MCAM: variants seen among roughly 807,000 people sequenced by gnomAD.
The protein encoded by MCAM is cell surface glycoprotein MUC18.
Under a neutral mutation model 79.1 loss-of-function variants are expected in MCAM, and 55 were observed. The ratio of observed to expected loss-of-function variants is 0.70; its 90% CI spans 0.56 to 0.87. The LOEUF (loss-of-function observed/expected upper bound fraction) is 0.87. MCAM is among the 40% of genes least tolerant of loss of function. MCAM has a pLI of 0.00. For synonymous variants in MCAM, 330 were observed against 339.8 expected (o/e 0.97, Z 0.32); for missense variants, 745 against 839.8 (o/e 0.89, Z 1.40).
chr11:119,310,990 TG>T (rs1349608427), intron 13 of MCAM, 87 bp from the exon 14 acceptor site: 9 of 1,613,440 alleles, frequency 5.6e-6, no homozygotes, highest in Non-Finnish European at 6.8e-6. Flanking sequence ...GCCGACAAGA[TG>T]GGGCTGCTAC....
chr11:119,309,601 G>A lies in MCAM; in HGVS notation c.*285C>T, dbSNP rs570226404. 14 of 511,336 alleles carry A rather than the reference G, an allele frequency of 2.7e-5. No homozygotes were observed. Among genetic ancestry groups the A allele is most frequent in the Admixed American group, 1.0e-4 (3 of 28,874 alleles). 31.7% of individuals were successfully genotyped at this position (511,336 alleles called of 1,614,324 possible). A position where few individuals can be genotyped will look rare whatever the true frequency, so the allele number is the denominator to read the frequency against. Reference sequence around the variant, plus strand: ...CATAATGTGTGTAAAGAAAAAACACGTTCTGCAAGAAACTCTCCTACCCGC... The same window carrying A: ...CATAATGTGTGTAAAGAAAAAACACATTCTGCAAGAAACTCTCCTACCCGC... On this transcript the variant is annotated 3_prime_UTR_variant, in exon 16 of 16. Coordinates refer to ENST00000264036, the MANE Select transcript of MCAM (RefSeq NM_006500.3).
chr11:119,316,932 C>T lies in MCAM; in HGVS notation c.67+103G>A. The T allele has an allele frequency of 2.0e-6, 2 of 1,022,720 alleles. No individual in the cohort carries two copies. The highest frequency in any genetic ancestry group is 1.6e-5 in the South Asian group (1 of 64,286). The allele number at this position is 1,022,720 out of a possible 1,614,324, so 63.4% of individuals were successfully genotyped here. Reference sequence around the variant, plus strand: ...GGACCCAGGGAGGAGGCTCGTCCTCCCAGACGCAACGCCCCGACCCCGCCG... The same window carrying T: ...GGACCCAGGGAGGAGGCTCGTCCTCTCAGACGCAACGCCCCGACCCCGCCG... On this transcript the variant is annotated intron_variant, in intron 1 of 15. Coordinates refer to ENST00000264036, the MANE Select transcript of MCAM (RefSeq NM_006500.3). This position sits in a 1 kb window ranked among gnomAD's most constrained non-coding sequence, Gnocchi z 4.8.
At chr11:119,313,115 T>G in intron 5 of MCAM, 166 bp from the exon 6 acceptor site, 2 of 1,535,662 alleles carry the variant, frequency 1.3e-6, no homozygotes, top group African/African-American at 1.4e-5. Context: ...GCACTTTTAC[T>G]GCTCAGTGTC....
chr11:119,313,718 T>C (rs529229736), intron 5 of MCAM: 41 of 200,292 alleles, frequency 2.0e-4, no homozygotes, highest in African/African-American at 8.4e-4. Context: ...TTAGGCCACG[T>C]TGATTCTTTA....
At chr11:119,313,376 G>A in intron 5 of MCAM, 1 of 1,212,784 alleles carries the variant, frequency 8.2e-7, no homozygotes, top group Non-Finnish European at 1.1e-6. Context: ...TTAGACCAGG[G>A]TTTCTCAGCA....
rs1470849377 is a variant in MCAM at position 119,311,461 on chromosome 11, G to C, written c.1408-40C>G. On this transcript the variant is annotated intron_variant, in intron 11 of 15. Transcript: ENST00000264036. The surrounding 1 kb of genome is among the most constrained non-coding windows in gnomAD (Gnocchi z 4.4). ...AGGAGGCAGCTCAGGGGATGGGGAG[G>C]ATCTCTGGTCCTGGCCACAAAGCGC... is the stretch of plus-strand genomic sequence containing the variant. The C allele has an allele frequency of 6.2e-7, 1 of 1,613,572 alleles. No homozygotes were observed. Among genetic ancestry groups the C allele is most frequent in the South Asian group, 1.1e-5 (1 of 91,076 alleles).
chr11:119,310,225 G>A, intron 15 of MCAM, 124 bp downstream of exon 15: 2 of 746,488 alleles, frequency 2.7e-6, no homozygotes, highest in Non-Finnish European at 2.3e-6. Flanking sequence ...GTGTTAAGAA[G>A]GCAAGATGGG....
At position 119,311,320 on chromosome 11, in the gene MCAM, G is replaced by T; in HGVS notation, c.1509C>A (p.Asn503Lys). 6.2e-7 allele frequency: 1 copy of T among 1,614,204 alleles called. No homozygotes were observed. Among genetic ancestry groups the T allele is most frequent in the Non-Finnish European group, 8.5e-7 (1 of 1,180,028 alleles). ...LETGVECTAS[N>K]DLGKNTSILF... ...GGATGCTGGTGTTTTTGCCCAGGTC[G>T]TTGGAGGCCGTGCATTCAACACCTG... The change falls in exon 12 of 16, where the codon AAC (asparagine) becomes AAA (lysine). Residue 503 changes from asparagine (N) to lysine (K), a missense_variant. Physicochemically the swap from Asn to Lys is moderately conservative, Grantham distance 94. Transcript: ENST00000264036. The surrounding 1 kb of genome is among the most constrained non-coding windows in gnomAD (Gnocchi z 4.4).
At chr11:119,313,563 G>A (rs996873428) in intron 5 of MCAM, 1 of 312,586 alleles carries the variant, frequency 3.2e-6, no homozygotes, top group South Asian at 2.8e-5. Flanking sequence ...CACCACGCCC[G>A]GCTACTTTTG....
chr11:119,309,716 G>T lies in MCAM; in HGVS notation c.*170C>A. 1.5e-6 allele frequency: 1 copy of T among 661,586 alleles called. No homozygotes were observed. Among genetic ancestry groups the T allele is most frequent in the Non-Finnish European group, 2.7e-6 (1 of 376,410 alleles). The allele number at this position is 661,586 out of a possible 1,614,324, so 41.0% of individuals were successfully genotyped here. A position where few individuals can be genotyped will look rare whatever the true frequency, so the allele number is the denominator to read the frequency against. On this transcript the variant is annotated 3_prime_UTR_variant, in exon 16 of 16. Coordinates refer to ENST00000264036, the MANE Select transcript of MCAM (RefSeq NM_006500.3). ...TGGTCCCTGAAAAGCGGGCCTTGCA[G>T]GGCCAAGTGAGGTCCTCAGGTCCTA... is the stretch of plus-strand genomic sequence containing the variant.
In MCAM at chr11:119,311,769, T is replaced by C; in HGVS notation, c.1285+39A>G. 6.2e-7 allele frequency: 1 copy of C among 1,611,598 alleles called. No individual in the cohort carries two copies. The highest frequency in any genetic ancestry group is 8.5e-7 in the Non-Finnish European group (1 of 1,178,364). ...TCAAAGAGCTTAAAAACCACCCCAC[T>C]TGGGGTGACCTGGTCTCTACCCAGA... On this transcript the variant is annotated intron_variant, in intron 10 of 15. Transcript: ENST00000264036. The surrounding 1 kb of genome is among the most constrained non-coding windows in gnomAD (Gnocchi z 4.4).
At position 119,311,913 on chromosome 11, in the gene MCAM, A is replaced by G. The variant is rs115730438; in HGVS notation, c.1180T>C (p.Leu394=). The change falls in exon 10 of 16, where the codon TTG becomes CTG. Residue 394 remains leucine, a synonymous_variant. Coordinates refer to ENST00000264036, the MANE Select transcript of MCAM (RefSeq NM_006500.3). This position sits in a 1 kb window ranked among gnomAD's most constrained non-coding sequence, Gnocchi z 4.4. The part of the protein sequence containing the change: ...QVLERGPVLQ[L]HDLKREAGGG... ...CCTGCCTCCCGTTTCAGGTCATGCA[A>G]CTGAAGCACAGGCCCCCTTTCCAGC... 29 of 1,613,834 alleles carry G rather than the reference A, an allele frequency of 1.8e-5. No individual in the cohort carries two copies. The highest frequency in any genetic ancestry group is 2.3e-5 in the Non-Finnish European group (27 of 1,180,002).
chr11:119,309,733 C>A lies in MCAM; in HGVS notation c.*153G>T. ...GCCTTGCAGGGCCAAGTGAGGTCCT[C>A]AGGTCCTAACCCAGTGGCCCTCTGA... On this transcript the variant is annotated 3_prime_UTR_variant, in exon 16 of 16. Transcript: ENST00000264036. The A allele has an allele frequency of 1.3e-6, 1 of 747,130 alleles. No homozygotes were observed. Among genetic ancestry groups the A allele is most frequent in the South Asian group, 1.7e-5 (1 of 57,240 alleles). The allele number at this position is 747,130 out of a possible 1,614,324, so 46.3% of individuals were successfully genotyped here. A position where few individuals can be genotyped will look rare whatever the true frequency, so the allele number is the denominator to read the frequency against.
Position 119,309,628 on chromosome 11 carries a change from C to T in MCAM, c.*258G>A, listed in dbSNP as rs1180593919. On this transcript the variant is annotated 3_prime_UTR_variant, in exon 16 of 16. Coordinates refer to ENST00000264036, the MANE Select transcript of MCAM (RefSeq NM_006500.3). Reference sequence around the variant, plus strand: ...TCTGCAAGAAACTCTCCTACCCGCTCGGGAGACTGGGGCTCCTTGCTTGGG... The same window carrying T: ...TCTGCAAGAAACTCTCCTACCCGCTTGGGAGACTGGGGCTCCTTGCTTGGG... 5 of 546,668 alleles carry T rather than the reference C, an allele frequency of 9.1e-6. No homozygotes were observed. The highest frequency in any genetic ancestry group is 3.0e-5 in the East Asian group (1 of 33,896). The allele number at this position is 546,668 out of a possible 1,614,324, so 33.9% of individuals were successfully genotyped here.
At position 119,315,003 on chromosome 11, in the gene MCAM, C is replaced by A. The variant is rs1362785176; in HGVS notation, c.230G>T (p.Arg77Leu). 3.1e-6 allele frequency: 5 copies of A among 1,609,256 alleles called. No homozygotes were observed. The highest frequency in any genetic ancestry group is 2.7e-5 in the African/African-American group (2 of 74,896). The change falls in exon 3 of 16, where the codon CGC becomes CTC. Residue 77 changes from arginine to leucine, a missense_variant. Physicochemically the swap from Arg to Leu is moderately radical, Grantham distance 102. Coordinates refer to ENST00000264036, the MANE Select transcript of MCAM (RefSeq NM_006500.3). This position sits in a 1 kb window ranked among gnomAD's most constrained non-coding sequence, Gnocchi z 4.4. ...KEKRTLIFRV[R>L]QGQGQSEPGE... Reference sequence around the variant, plus strand: ...AGGTTCGCTCTGGCCCTGGCCCTGGCGCACACGGAAGATGAGCGTCCGCTT... The same window carrying A: ...AGGTTCGCTCTGGCCCTGGCCCTGGAGCACACGGAAGATGAGCGTCCGCTT...
chr11:119,312,878 G>C lies in MCAM; in HGVS notation c.631C>G (p.Gln211Glu). 4 of 1,614,216 alleles carry C rather than the reference G, an allele frequency of 2.5e-6. No individual in the cohort carries two copies. The highest frequency in any genetic ancestry group is 3.4e-6 in the Non-Finnish European group (4 of 1,180,048). ...GCATCTTTGTCTTCTTTAACCAGCT[G>C]TGCCTTCAGAATACTCTGCAAGGTG... Reference protein sequence around the residue: ...LYTLQSILKAQLVKEDKDAQF... With the variant: ...LYTLQSILKAELVKEDKDAQF... The change falls in exon 6 of 16, where the codon CAG (glutamine) becomes GAG (glutamate). Residue 211 changes from glutamine to glutamate, a missense_variant. Physicochemically the swap from Gln to Glu is conservative, Grantham distance 29. Coordinates refer to ENST00000264036, the MANE Select transcript of MCAM (RefSeq NM_006500.3). The surrounding 1 kb of genome is among the most constrained non-coding windows in gnomAD (Gnocchi z 4.9).
rs1950184329 is a variant in MCAM, at chr11:119,308,980, T to G, written c.*906A>C. The G allele has an allele frequency of 6.6e-6, 1 of 152,196 alleles. No individual in the cohort carries two copies. The highest frequency in any genetic ancestry group is 1.5e-5 in the Non-Finnish European group (1 of 68,036). The allele number at this position is 152,196 out of a possible 1,614,324, so 9.4% of individuals were successfully genotyped here. ...CACCGCAGGCACGTATCTTTTCTTT[T>G]TTTTTCCTCGAGACGGAGTCTCGCT... On this transcript the variant is annotated 3_prime_UTR_variant, in exon 16 of 16. Coordinates refer to ENST00000264036, the MANE Select transcript of MCAM (RefSeq NM_006500.3).
Position 119,312,170 on chromosome 11 carries a change from T to G in MCAM, c.1025A>C (p.Tyr342Ser), listed in dbSNP as rs760716423. 1.9e-6 allele frequency: 3 copies of G among 1,612,172 alleles called. No individual in the cohort carries two copies. The African/African-American group carries it at 4.0e-5, about 22-fold the overall frequency. Residue 342 changes from tyrosine to serine, a missense_variant and splice_region_variant, in exon 9 of 16, where the codon TAT becomes TCT. Physicochemically the swap from Tyr to Ser is moderately radical, Grantham distance 144 (BLOSUM62 -2). Transcript: ENST00000264036. The surrounding 1 kb of genome is among the most constrained non-coding windows in gnomAD (Gnocchi z 4.9). ...LSEPQELLVN[Y>S]VSDVRVSPAA... ...GGGACTCACTCGGACGTCAGACACA[T>G]CTGGGGGTACAGCAATCATGTCACC...
rs1318246764 is a variant in MCAM, at chr11:119,315,050, G to A, written c.193-10C>T. 3.1e-6 allele frequency: 5 copies of A among 1,608,636 alleles called. No individual in the cohort carries two copies. Among genetic ancestry groups the A allele is most frequent in the African/African-American group, 1.3e-5 (1 of 74,896 alleles). On this transcript the variant is annotated splice_polypyrimidine_tract_variant and intron_variant, in intron 2 of 15. Coordinates refer to ENST00000264036, the MANE Select transcript of MCAM (RefSeq NM_006500.3). This position sits in a 1 kb window ranked among gnomAD's most constrained non-coding sequence, Gnocchi z 4.4. ...GCTTCTCCTTGTGGACCTAATGGGAGGAGACACAGAGGAGGAGAAGGGTCC... is the reference window on the plus strand; with the variant it reads ...GCTTCTCCTTGTGGACCTAATGGGAAGAGACACAGAGGAGGAGAAGGGTCC...
Sources: allele counts gnomAD v4.1 joint callset, GRCh38; gene constraint gnomAD v4.1.1; non-coding constraint Gnocchi (gnomAD v3.1); transcripts MANE v1.5; gene names NCBI Gene and HGNC (gene_info 2026-07-23, HGNC 2026-07-21).